Variants in SEZ6L observed in about 807,000 individuals in gnomAD.
SEZ6L encodes seizure 6-like protein.
In SEZ6L, 37 loss-of-function variants were observed where a neutral mutation model predicts 106.2. The observed-to-expected ratio is 0.35, with a 90% CI of 0.27 to 0.46. SEZ6L has a LOEUF of 0.46. Among genes scored for constraint, SEZ6L ranks in the 20% least tolerant of loss-of-function variants. The pLI, the probability that SEZ6L is intolerant of heterozygous loss-of-function variation, is 1.00. For missense variants in SEZ6L, 1,172 were observed against 1,332.8 expected (o/e 0.88, Z 1.88); for synonymous variants, 541 against 570.4 (o/e 0.95, Z 0.73).
intron 1 of SEZ6L, among the ~76,000 whole-genome samples, chr22:26,229,100 G>C (rs1276783050): frequency 6.6e-6 from 1 of 152,152 alleles, no homozygotes. Context: ...AGGTTCAAGC[G>C]ATTCTCCTGC....
chr22:26,234,950 C>T (rs754596080), intron 1 of SEZ6L, among the ~76,000 whole-genome samples: 10 of 152,158 alleles, frequency 6.6e-5, no homozygotes, highest in African/African-American at 9.7e-5. Context: ...ATACCCCCAA[C>T]GGCTGATACT....
intron 10 of SEZ6L, among the ~76,000 whole-genome samples, chr22:26,346,897 CAA>C (rs1180059714): frequency 6.6e-6 from 1 of 152,114 alleles, no homozygotes; most frequent in East Asian, 1.9e-4. Context: ...AGGGACTACA[CAA>C]GAGTGTAAAT....
chr22:26,256,536 G>A (rs1431584215), intron 1 of SEZ6L, among the ~76,000 whole-genome samples: 1 of 152,254 alleles, frequency 6.6e-6, no homozygotes, highest in Non-Finnish European at 1.5e-5. Context: ...AAAAGACACA[G>A]ATGCCTCAGT....
intron 8 of SEZ6L, among the ~76,000 whole-genome samples, 161 bp from the exon 9 acceptor site, chr22:26,313,603 C>CACA (rs2081910152): frequency 5.8e-5 from 1 of 17,306 alleles, no homozygotes; most frequent in African/African-American, 5.9e-4. Flanking sequence ...CACACACACA[C>CACA]GCACACACAC....
intron 16 of SEZ6L, among the ~76,000 whole-genome samples, chr22:26,378,201 G>T (rs1456273314): frequency 6.6e-6 from 1 of 152,182 alleles, no homozygotes; most frequent in African/African-American, 2.4e-5. Context: ...AATAGACACA[G>T]ATTCCACCAT....
In SEZ6L at chr22:26,381,761, A is replaced by C; in HGVS notation, c.*1466A>C. On this transcript the variant is annotated 3_prime_UTR_variant, in exon 17 of 17. Coordinates refer to ENST00000248933, the MANE Select transcript of SEZ6L (RefSeq NM_021115.5). ...TGCATGGAAGAAATACTATGTGTGAAGCAGATTCACCTTCCTGGGACCGGT... is the reference window on the plus strand; with the variant it reads ...TGCATGGAAGAAATACTATGTGTGACGCAGATTCACCTTCCTGGGACCGGT... 1 of 284,942 alleles carries C rather than the reference A, an allele frequency of 3.5e-6. No homozygotes were observed. Among genetic ancestry groups the C allele is most frequent in the Non-Finnish European group, 7.0e-6 (1 of 142,770 alleles). The allele number at this position is 284,942 out of a possible 1,614,324, so 17.7% of individuals were successfully genotyped here. A position where few individuals can be genotyped will look rare whatever the true frequency, so the allele number is the denominator to read the frequency against.
In SEZ6L at chr22:26,292,555, G is replaced by A. The variant is rs985603515; in HGVS notation, c.244G>A (p.Glu82Lys). The stretch of plus-strand genomic sequence containing the variant: ...CTCACAGTCGGCGGAAGTGCTGGGC[G>A]AGCTGGTGCTGGATGGGACCGCACC... ...SSSQSAEVLG[E>K]LVLDGTAPSA... The change falls in exon 2 of 17, where the codon GAG (glutamate) becomes AAG (lysine). Residue 82 changes from glutamate to lysine, a missense_variant. Physicochemically the swap from Glu to Lys is moderately conservative, Grantham distance 56. Around this residue, in one of 4 missense-constraint regions of SEZ6L, gnomAD observed 494 missense variants for 445.8 expected, o/e 1.11. Transcript: ENST00000248933. 1.9e-5 allele frequency: 30 copies of A among 1,613,704 alleles called. 1 individual carries two copies. The highest frequency in any genetic ancestry group is 3.3e-5 in the South Asian group (3 of 90,992).
At chr22:26,304,362 AAAGAAAGAAG>A (rs1322421030) in intron 5 of SEZ6L, among the ~76,000 whole-genome samples, 1,769 of 127,836 alleles carry the variant, frequency 0.014, 43 homozygotes, top group African/African-American at 0.021. Flanking sequence ...AAAAAAAAAA[AAAGAAAGAAG>A]AAAGAAAGAA....
chr22:26,296,810 G>A (rs2081314557), intron 3 of SEZ6L, 78 bp from the exon 4 acceptor site: 2 of 1,312,690 alleles, frequency 1.5e-6, no homozygotes. Flanking sequence ...ACTTTTCACT[G>A]ACTTCTTTGC....
At chr22:26,191,160 C>T (rs1403177759) in intron 1 of SEZ6L, among the ~76,000 whole-genome samples, 1 of 152,124 alleles carries the variant, frequency 6.6e-6, no homozygotes, top group Non-Finnish European at 1.5e-5. Context: ...ATTTAAGCAA[C>T]AACCTCTTGT....
intron 9 of SEZ6L, among the ~76,000 whole-genome samples, chr22:26,325,212 A>C (rs2082271893): frequency 6.6e-6 from 1 of 152,232 alleles, no homozygotes; most frequent in Admixed American, 6.5e-5. Context: ...ATCCTATGGC[A>C]AGCTACAAAG....
intron 1 of SEZ6L, among the ~76,000 whole-genome samples, chr22:26,205,382 C>T (rs903473453): frequency 1.3e-5 from 2 of 152,210 alleles, no homozygotes; most frequent in Non-Finnish European, 2.9e-5. Context: ...AAAATGTGCT[C>T]CCCACTCCTC....
chr22:26,255,872 C>T (rs989555047), intron 1 of SEZ6L, among the ~76,000 whole-genome samples: 9 of 152,214 alleles, frequency 5.9e-5, no homozygotes, highest in Non-Finnish European at 1.5e-5. Context: ...CCATGTAGGG[C>T]AGACAAGCAG....
At chr22:26,276,152 G>A (rs978642512) in intron 1 of SEZ6L, among the ~76,000 whole-genome samples, 4 of 152,190 alleles carry the variant, frequency 2.6e-5, no homozygotes, top group African/African-American at 7.2e-5. Flanking sequence ...TACAGTTCCC[G>A]CCTCTTAAAT....
At chr22:26,180,182 G>A (rs1939296228) in intron 1 of SEZ6L, among the ~76,000 whole-genome samples, 1 of 152,198 alleles carries the variant, frequency 6.6e-6, no homozygotes, top group Admixed American at 6.5e-5. Flanking sequence ...AATCGCCACT[G>A]ATGGTGTCTC....
chr22:26,171,532 C>T (rs1355342224), intron 1 of SEZ6L, among the ~76,000 whole-genome samples: 2 of 152,212 alleles, frequency 1.3e-5, no homozygotes, highest in Non-Finnish European at 2.9e-5. Context: ...CTTAATGGCA[C>T]GTATTGAATT....
chr22:26,214,937 CAA>C lies in SEZ6L; in HGVS notation c.94+45182_94+45183del, dbSNP rs71804199. On this transcript the variant is annotated intron_variant, in intron 1 of 16. Transcript: ENST00000248933. Reference sequence around the variant, plus strand: ...TACATTTAGAGTGCCTGGCATATGACAAAAAAAAATGCTCAATGTGATTTAGT... The same window carrying C: ...TACATTTAGAGTGCCTGGCATATGACAAAAAAATGCTCAATGTGATTTAGT... Among the ~76,000 whole-genome samples, 10 of 149,338 alleles carry C rather than the reference CAA, an allele frequency of 6.7e-5. No homozygotes were observed. The East Asian group carries it at 2.0e-3, about 29-fold the overall frequency.
At chr22:26,347,111 A>G (rs2083032881) in intron 10 of SEZ6L, among the ~76,000 whole-genome samples, 1 of 151,860 alleles carries the variant, frequency 6.6e-6, no homozygotes, top group Non-Finnish European at 1.5e-5. Flanking sequence ...TGGGAGGATC[A>G]CTTGAGCCCA....
intron 1 of SEZ6L, 44 bp downstream of exon 1, chr22:26,169,807 G>C: frequency 9.8e-7 from 1 of 1,017,710 alleles, no homozygotes; most frequent in Non-Finnish European, 1.3e-6. Flanking sequence ...CAAAGTTGCC[G>C]GGAGAGCGGG....
Sources: gnomAD v4.1 joint callset for allele counts (sites outside exome capture counted in the v4.1 genomes callset) on GRCh38, gnomAD v4.1.1 for gene constraint, gnomAD v4.1.1 regional missense constraint, MANE v1.5 for transcripts, NCBI Gene and HGNC (gene_info 2026-07-23, HGNC 2026-07-21) for gene names.